Variants in MMP16 observed in about 807,000 individuals in gnomAD.
MMP16 encodes matrix metalloproteinase-16.
In MMP16, 12 loss-of-function variants were observed where a neutral mutation model predicts 67.8. The ratio of observed to expected loss-of-function variants is 0.18; its 90% CI spans 0.11 to 0.29. The LOEUF (loss-of-function observed/expected upper bound fraction) is 0.29. Ranked by LOEUF, MMP16 falls within the 10% of genes least tolerant of loss-of-function variation. The pLI is 1.00. For synonymous variants in MMP16, 249 were observed against 255.9 expected, an observed-to-expected ratio of 0.97 and a Z score of 0.26; for missense variants, 475 against 765.7, an observed-to-expected ratio of 0.62 and a Z score of 4.48.
At chr8:88,289,773 G>T (rs1316626457) in intron 1 of MMP16, among the ~76,000 whole-genome samples, 1 of 149,956 alleles carries the variant, frequency 6.7e-6, no homozygotes, top group Non-Finnish European at 1.5e-5. Context: ...ACACAGACTG[G>T]TAGATTCCAT....
At chr8:88,195,709 C>T (rs1382306727) in intron 2 of MMP16, among the ~76,000 whole-genome samples, 1 of 152,096 alleles carries the variant, frequency 6.6e-6, no homozygotes, top group Non-Finnish European at 1.5e-5. Context: ...ACTCTATTCC[C>T]AATATTTAGA....
At chr8:88,258,057 T>C (rs1475581929) in intron 1 of MMP16, among the ~76,000 whole-genome samples, 1 of 151,326 alleles carries the variant, frequency 6.6e-6, no homozygotes, top group Non-Finnish European at 1.5e-5. Flanking sequence ...TTTTTTTTTT[T>C]TTCTTTGAGA....
chr8:88,131,191 C>T (rs918439153), intron 4 of MMP16, among the ~76,000 whole-genome samples: 9 of 151,460 alleles, frequency 5.9e-5, no homozygotes, highest in African/African-American at 2.2e-4. Flanking sequence ...GTAAGTGGTA[C>T]AGGCAAGTTT....
At chr8:88,123,292 G>T (rs1458798900) in intron 4 of MMP16, among the ~76,000 whole-genome samples, 1 of 151,908 alleles carries the variant, frequency 6.6e-6, no homozygotes, top group Non-Finnish European at 1.5e-5. Context: ...TTAAAATATT[G>T]TCCATTCCAA....
intron 1 of MMP16, among the ~76,000 whole-genome samples, chr8:88,213,402 T>C (rs1480446678): frequency 6.6e-6 from 1 of 152,172 alleles, no homozygotes; most frequent in African/African-American, 2.4e-5. Flanking sequence ...AAAAATATTC[T>C]ACCGTATTCA....
chr8:88,176,682 T>G (rs1288966955), intron 3 of MMP16, among the ~76,000 whole-genome samples: 1 of 152,220 alleles, frequency 6.6e-6, no homozygotes, highest in Non-Finnish European at 1.5e-5. Context: ...GTGAATCCTT[T>G]TCCAATTGAT....
intron 7 of MMP16, among the ~76,000 whole-genome samples, chr8:88,061,165 CA>C (rs1808395504): frequency 2.1e-5 from 3 of 143,952 alleles, no homozygotes; most frequent in African/African-American, 7.6e-5. Flanking sequence ...CACACACACA[CA>C]CACACCCCTC....
chr8:88,280,713 C>T (rs1810719461), intron 1 of MMP16, among the ~76,000 whole-genome samples: 1 of 152,076 alleles, frequency 6.6e-6, no homozygotes, highest in South Asian at 2.1e-4. Flanking sequence ...CAACATGCCT[C>T]CACAAAAAAA....
At chr8:88,255,704 T>C (rs1810289833) in intron 1 of MMP16, among the ~76,000 whole-genome samples, 1 of 152,212 alleles carries the variant, frequency 6.6e-6, no homozygotes, top group Admixed American at 6.5e-5. Context: ...TATGTTTTAC[T>C]CTGCCGAAGG....
chr8:88,061,990 G>T (rs1469447596), intron 7 of MMP16, among the ~76,000 whole-genome samples: 1 of 151,720 alleles, frequency 6.6e-6, no homozygotes, highest in East Asian at 1.9e-4. Flanking sequence ...CTATAAAGTT[G>T]CATGACAGAA....
At chr8:88,229,950 C>T (rs182247334) in intron 1 of MMP16, among the ~76,000 whole-genome samples, 14 of 152,226 alleles carry the variant, frequency 9.2e-5, no homozygotes, top group South Asian at 2.1e-4. Flanking sequence ...TGAATCACTG[C>T]GTCTTTCCTC....
chr8:88,279,460 A>T (rs185213928), intron 1 of MMP16, among the ~76,000 whole-genome samples: 1 of 152,272 alleles, frequency 6.6e-6, no homozygotes. Context: ...GGGTGAGGTA[A>T]CATCCTTCTA....
At chr8:88,192,138 T>C (rs1402672617) in intron 2 of MMP16, among the ~76,000 whole-genome samples, 1 of 152,138 alleles carries the variant, frequency 6.6e-6, no homozygotes, top group Non-Finnish European at 1.5e-5. Context: ...ATATACTTAT[T>C]TTAATTACTT....
intron 7 of MMP16, among the ~76,000 whole-genome samples, chr8:88,073,614 T>C (rs138578716): frequency 0.01 from 1,526 of 152,282 alleles, 15 homozygotes; most frequent in Non-Finnish European, 0.015. Context: ...CCCAGGTATA[T>C]ACTTTCATTT....
chr8:88,224,201 T>C (rs780981258), intron 1 of MMP16, among the ~76,000 whole-genome samples: 15 of 151,994 alleles, frequency 9.9e-5, no homozygotes, highest in Non-Finnish European at 1.6e-4. Flanking sequence ...AATAAGAAAA[T>C]TGGTCTGTTG....
intron 1 of MMP16, among the ~76,000 whole-genome samples, chr8:88,306,278 T>C (rs1300622339): frequency 6.6e-6 from 1 of 152,136 alleles, no homozygotes; most frequent in African/African-American, 2.4e-5. Flanking sequence ...GTTCTGAAAC[T>C]GAGGCCATAA....
At chr8:88,234,527 A>G (rs529242101) in intron 1 of MMP16, among the ~76,000 whole-genome samples, 92 of 152,344 alleles carry the variant, frequency 6.0e-4, no homozygotes, top group African/African-American at 1.9e-3. Context: ...TTATTTTATA[A>G]TTAATGACTG....
chr8:88,089,188 G>A (rs2118337976), intron 6 of MMP16, among the ~76,000 whole-genome samples: 1 of 152,112 alleles, frequency 6.6e-6, no homozygotes, highest in Non-Finnish European at 1.5e-5. Context: ...CATACATTAA[G>A]AATAACTTGA....
intron 1 of MMP16, chr8:88,326,816 G>A: frequency 2.6e-6 from 1 of 384,124 alleles, no homozygotes; most frequent in South Asian, 3.2e-5. Context: ...TTCCCTGGGT[G>A]AAAAGCATGG....
Sources: gnomAD v4.1 joint callset for allele counts (sites outside exome capture counted in the v4.1 genomes callset) on GRCh38, gnomAD v4.1.1 for gene constraint, MANE v1.5 for transcripts, NCBI Gene and HGNC (gene_info 2026-07-23, HGNC 2026-07-21) for gene names.